FAM120B: variants seen among roughly 807,000 people sequenced by gnomAD.
The protein encoded by FAM120B is constitutive coactivator of peroxisome proliferator-activated receptor gamma.
Under a neutral mutation model 96.3 loss-of-function variants are expected in FAM120B, and 83 were observed. That is an observed-to-expected ratio of 0.86 (90% CI 0.72 to 1.03). The LOEUF (loss-of-function observed/expected upper bound fraction) is 1.03. Ranked by LOEUF, FAM120B falls within the 50% of genes least tolerant of loss-of-function variation. The pLI is 0.00. For missense variants in FAM120B, 1,027 were observed against 1,121.2 expected, an observed-to-expected ratio of 0.92 and a Z score of 1.20; for synonymous variants, 407 against 402.7, an observed-to-expected ratio of 1.01 and a Z score of -0.13.
intron 4 of FAM120B, among the ~76,000 whole-genome samples, chr6:170,333,815 G>A (rs755191817): frequency 6.6e-6 from 1 of 152,148 alleles, no homozygotes; most frequent in Non-Finnish European, 1.5e-5. Flanking sequence ...TGTGCATGTG[G>A]GAGCATGTAT....
intron 6 of FAM120B, among the ~76,000 whole-genome samples, chr6:170,362,273 A>C (rs1339215196): frequency 6.6e-6 from 1 of 152,160 alleles, no homozygotes; most frequent in Non-Finnish European, 1.5e-5. Flanking sequence ...GACAGGAGGA[A>C]TGTTTCTGTG....
chr6:170,386,697 C>A (rs530858114), intron 6 of FAM120B, among the ~76,000 whole-genome samples: 1 of 152,224 alleles, frequency 6.6e-6, no homozygotes, highest in Non-Finnish European at 1.5e-5. Context: ...AGCTGTGCTA[C>A]GCCCTTTCTT....
chr6:170,293,477 A>G (rs1044026976), upstream of FAM120B, among the ~76,000 whole-genome samples: 37 of 152,260 alleles, frequency 2.4e-4, no homozygotes, highest in African/African-American at 8.7e-4. Context: ...GTATTTGTTA[A>G]ATTGACATGG....
chr6:170,400,755 G>A (rs1275285855), intron 9 of FAM120B, among the ~76,000 whole-genome samples: 1 of 152,188 alleles, frequency 6.6e-6, no homozygotes, highest in Non-Finnish European at 1.5e-5. Flanking sequence ...TAAAAATAAA[G>A]CAATGTCCGT....
intron 6 of FAM120B, among the ~76,000 whole-genome samples, chr6:170,372,771 G>A (rs1435940862): frequency 1.3e-5 from 2 of 152,180 alleles, no homozygotes; most frequent in Admixed American, 6.5e-5. Context: ...ACTGGCGCTC[G>A]CTTACGTTCT....
At chr6:170,354,638 A>C (rs1423904733) in intron 5 of FAM120B, among the ~76,000 whole-genome samples, 1 of 152,220 alleles carries the variant, frequency 6.6e-6, no homozygotes, top group Admixed American at 6.5e-5. Flanking sequence ...AAAAGAGGAC[A>C]TATAGCCGGG....
chr6:170,291,311 C>G (rs1194471172), upstream of FAM120B, among the ~76,000 whole-genome samples: 1 of 152,070 alleles, frequency 6.6e-6, no homozygotes, highest in South Asian at 2.1e-4. Context: ...CTCGGCCACA[C>G]GCGGGGGGCG....
chr6:170,395,462 ATCT>A (rs1406442134), intron 8 of FAM120B, 22 bp from the exon 9 acceptor site: 2 of 1,550,984 alleles, frequency 1.3e-6, no homozygotes, highest in Admixed American at 1.9e-5. Context: ...CAACTTACTA[ATCT>A]TCTGACTATG....
intron 5 of FAM120B, among the ~76,000 whole-genome samples, chr6:170,352,087 G>A (rs1256820043): frequency 2.0e-5 from 3 of 152,130 alleles, no homozygotes; most frequent in African/African-American, 4.8e-5. Flanking sequence ...ATAAAGGGTT[G>A]GAAGAAAATT....
In FAM120B at chr6:170,407,016, T is replaced by C. The variant is rs1778824249; in HGVS notation, c.*2265T>C. The C allele has an allele frequency of 6.6e-6, 1 of 152,248 alleles. No homozygotes were observed. The allele number at this position is 152,248 out of a possible 1,614,324, so 9.4% of individuals were successfully genotyped here. On this transcript the variant is annotated 3_prime_UTR_variant, in exon 11 of 11. Coordinates refer to ENST00000476287, the MANE Select transcript of FAM120B (RefSeq NM_032448.3). ...TGCAGTCAAGTCTTCTGATGAAATTTCCATATATCAAATTGAAAATAAAGC... is the reference window on the plus strand; with the variant it reads ...TGCAGTCAAGTCTTCTGATGAAATTCCCATATATCAAATTGAAAATAAAGC...
chr6:170,302,878 T>C (rs1784171297), upstream of FAM120B, among the ~76,000 whole-genome samples: 1 of 152,230 alleles, frequency 6.6e-6, no homozygotes, highest in South Asian at 2.1e-4. Flanking sequence ...CACTGATTTC[T>C]GCATGCAACT....
intron 1 of FAM120B, among the ~76,000 whole-genome samples, chr6:170,316,012 T>A (rs914491217): frequency 7.3e-5 from 9 of 123,604 alleles, no homozygotes; most frequent in Non-Finnish European, 1.3e-4. Flanking sequence ...TGAACTGTGA[T>A]CACCCCTCTG....
intron 6 of FAM120B, among the ~76,000 whole-genome samples, chr6:170,375,994 G>T (rs1789488323): frequency 6.6e-6 from 1 of 152,218 alleles, no homozygotes; most frequent in African/African-American, 2.4e-5. Flanking sequence ...AAAGGCCAGA[G>T]AATTCAGTGA....
At chr6:170,296,733 G>A (rs539096220) in intron 1 of FAM120B, among the ~76,000 whole-genome samples, 262 of 152,194 alleles carry the variant, frequency 1.7e-3, no homozygotes, top group Non-Finnish European at 2.1e-3. Flanking sequence ...CCCGACGCCA[G>A]GAGGTGCTGC....
intron 4 of FAM120B, among the ~76,000 whole-genome samples, chr6:170,343,131 C>G (rs1385353525): frequency 6.6e-6 from 1 of 152,216 alleles, no homozygotes; most frequent in Non-Finnish European, 1.5e-5. Context: ...GAGAAGTGAT[C>G]TAAATGATCC....
chr6:170,320,135 T>C (rs886773752), intron 2 of FAM120B, among the ~76,000 whole-genome samples: 4 of 152,202 alleles, frequency 2.6e-5, no homozygotes, highest in African/African-American at 9.7e-5. Flanking sequence ...CAAACTTAAC[T>C]ATCTTAACCA....
At position 170,334,552 on chromosome 6, in the gene FAM120B, G is replaced by GTGTA. The variant is rs1259551829; in HGVS notation, c.2017+4005_2017+4006insATGT. On this transcript the variant is annotated intron_variant, in intron 4 of 10. Coordinates refer to ENST00000476287, the MANE Select transcript of FAM120B (RefSeq NM_032448.3). The stretch of plus-strand genomic sequence containing the variant: ...GTGAGTGGTAAAAGGAAGCTGGTGT[G>GTGTA]TGTGTGTGTGTGTGTGTGTGTGCAC... 2.0e-5 allele frequency among the ~76,000 whole-genome samples: 3 copies of GTGTA among 146,750 alleles called. No individual in the cohort carries two copies. The East Asian group carries it at 5.8e-4, about 29-fold the overall frequency.
chr6:170,380,918 G>A (rs892727507), intron 6 of FAM120B, among the ~76,000 whole-genome samples: 1 of 152,146 alleles, frequency 6.6e-6, no homozygotes, highest in African/African-American at 2.4e-5. Context: ...CTCCAAAATT[G>A]AGCTATAGAG....
chr6:170,365,584 G>C (rs1366590333), intron 6 of FAM120B, among the ~76,000 whole-genome samples: 2 of 152,218 alleles, frequency 1.3e-5, no homozygotes, highest in Non-Finnish European at 2.9e-5. Context: ...AAAAAGCCCA[G>C]ATGTTTTCTG....
Sources: allele counts gnomAD v4.1 joint callset (sites outside exome capture counted in the v4.1 genomes callset), GRCh38; gene constraint gnomAD v4.1.1; transcripts MANE v1.5; gene names NCBI Gene and HGNC (gene_info 2026-07-23, HGNC 2026-07-21).